Variants in CTDSPL observed in about 807,000 individuals in gnomAD.
CTDSPL encodes the protein CTD small phosphatase like.
In CTDSPL, 8 loss-of-function variants were observed where a neutral mutation model predicts 30.5. The observed-to-expected ratio is 0.26, with a 90% CI of 0.15 to 0.47. The LOEUF (loss-of-function observed/expected upper bound fraction) is 0.47, where lower values mean the gene tolerates loss of function less well. CTDSPL is among the 20% of genes least tolerant of loss of function. CTDSPL has a pLI of 0.99. For missense variants in CTDSPL, 248 were observed against 366.1 expected (o/e 0.68, Z 2.63); for synonymous variants, 110 against 137.9 (o/e 0.80, Z 1.42).
chr3:37,947,338 G>A, intron 2 of CTDSPL, 127 bp downstream of exon 2: 1 of 1,081,376 alleles, frequency 9.2e-7, no homozygotes, highest in Non-Finnish European at 1.3e-6. Context: ...TGTAATATCA[G>A]CACTGAGGTC....
chr3:37,949,085 G>A (rs1699079019), intron 2 of CTDSPL, among the ~76,000 whole-genome samples: 2 of 152,044 alleles, frequency 1.3e-5, no homozygotes, highest in African/African-American at 4.8e-5. Context: ...CTCCCAAAGT[G>A]CTGGGATTAC....
At chr3:37,878,489 A>C (rs1698163696) in intron 1 of CTDSPL, among the ~76,000 whole-genome samples, 1 of 152,234 alleles carries the variant, frequency 6.6e-6, no homozygotes, top group South Asian at 2.1e-4. Flanking sequence ...CAATGACTAT[A>C]TATATGTGTG....
chr3:37,890,052 G>A (rs1698306971), intron 1 of CTDSPL, among the ~76,000 whole-genome samples: 1 of 152,136 alleles, frequency 6.6e-6, no homozygotes, highest in Non-Finnish European at 1.5e-5. Flanking sequence ...CAGAACCCAG[G>A]AGCCAGAAAA....
At position 37,984,441 on chromosome 3, in the gene CTDSPL, C is replaced by A; in HGVS notation, c.*3574C>A. On this transcript the variant is annotated 3_prime_UTR_variant, in exon 8 of 8. Coordinates refer to ENST00000273179, the MANE Select transcript of CTDSPL (RefSeq NM_001008392.2). ...TCAAAAGGTTTGCAATGATTTCCTT[C>A]CTGCCAAAAATAAACATGTGAAACT... 2 of 389,634 alleles carry A rather than the reference C, an allele frequency of 5.1e-6. No homozygotes were observed. Among genetic ancestry groups the A allele is most frequent in the Non-Finnish European group, 1.1e-5 (2 of 188,806 alleles). The allele number at this position is 389,634 out of a possible 1,614,324, so 24.1% of individuals were successfully genotyped here. A position where few individuals can be genotyped will look rare whatever the true frequency, so the allele number is the denominator to read the frequency against.
At chr3:37,922,332 G>C (rs1698726871) in intron 1 of CTDSPL, among the ~76,000 whole-genome samples, 1 of 152,136 alleles carries the variant, frequency 6.6e-6, no homozygotes, top group Admixed American at 6.5e-5. Flanking sequence ...CCTGAATGCT[G>C]TCCTCAAACA....
intron 4 of CTDSPL, among the ~76,000 whole-genome samples, chr3:37,966,547 C>T (rs1416295112): frequency 1.3e-5 from 2 of 152,060 alleles, no homozygotes; most frequent in African/African-American, 4.8e-5. Flanking sequence ...AGAGTCTCTT[C>T]CTTCAGTCTT....
At chr3:37,907,469 C>G (rs1698531766) in intron 1 of CTDSPL, among the ~76,000 whole-genome samples, 1 of 152,144 alleles carries the variant, frequency 6.6e-6, no homozygotes, top group Non-Finnish European at 1.5e-5. Flanking sequence ...GAACTTGAGT[C>G]TTGTTCATTT....
At chr3:37,930,991 T>A (rs1307683059) in intron 1 of CTDSPL, among the ~76,000 whole-genome samples, 1 of 152,194 alleles carries the variant, frequency 6.6e-6, no homozygotes, top group Non-Finnish European at 1.5e-5. Flanking sequence ...TAAGTATGGC[T>A]ACTTTTGCTC....
intron 1 of CTDSPL, among the ~76,000 whole-genome samples, chr3:37,875,583 T>C (rs1559621998): frequency 6.6e-6 from 1 of 152,228 alleles, no homozygotes; most frequent in Non-Finnish European, 1.5e-5. Context: ...CATACTGTAC[T>C]TTAAACTGTA....
intron 1 of CTDSPL, among the ~76,000 whole-genome samples, chr3:37,902,413 G>A (rs1201474304): frequency 6.6e-6 from 1 of 152,014 alleles, no homozygotes; most frequent in Admixed American, 6.6e-5. Flanking sequence ...ACTTGGTATG[G>A]GTCACAGCAA....
At position 37,980,895 on chromosome 3, in the gene CTDSPL, T is replaced by C; in HGVS notation, c.*28T>C. On this transcript the variant is annotated 3_prime_UTR_variant, in exon 8 of 8. Coordinates refer to ENST00000273179, the MANE Select transcript of CTDSPL (RefSeq NM_001008392.2). ...CTGGCCTCTGCCTGCCTCCCGCCTG[T>C]GCACTCTGGAACCTCTGGCCTCAGG... 1 of 1,608,340 alleles carries C rather than the reference T, an allele frequency of 6.2e-7. No homozygotes were observed. Among genetic ancestry groups the C allele is most frequent in the Non-Finnish European group, 8.5e-7 (1 of 1,176,112 alleles).
chr3:37,898,461 G>T (rs971280053), intron 1 of CTDSPL, among the ~76,000 whole-genome samples: 2 of 152,168 alleles, frequency 1.3e-5, no homozygotes, highest in Non-Finnish European at 2.9e-5. Context: ...CAGGTAAAGA[G>T]AGTTCAAATA....
chr3:37,862,158 G>C lies in CTDSPL; in HGVS notation c.-42G>C. 9.9e-7 allele frequency: 1 copy of C among 1,007,578 alleles called. No homozygotes were observed. Among genetic ancestry groups the C allele is most frequent in the South Asian group, 4.6e-5 (1 of 21,562 alleles). 62.4% of individuals were successfully genotyped at this position (1,007,578 alleles called of 1,614,324 possible). ...CGCCGCGCCCCCGCGCGCTTGGCTT[G>C]CGGGGGGCCGGGCCTGCGGGCGGCC... On this transcript the variant is annotated 5_prime_UTR_variant, in exon 1 of 8. Coordinates refer to ENST00000273179, the MANE Select transcript of CTDSPL (RefSeq NM_001008392.2). This position sits in a 1 kb window ranked among gnomAD's most constrained non-coding sequence, Gnocchi z 4.3.
At chr3:37,962,637 G>A (rs1575319828) in intron 3 of CTDSPL, among the ~76,000 whole-genome samples, 1 of 152,312 alleles carries the variant, frequency 6.6e-6, no homozygotes, top group East Asian at 1.9e-4. Context: ...GATGTTTTCA[G>A]AGATGCTAGG....
At chr3:37,888,451 G>A (rs1341255248) in intron 1 of CTDSPL, among the ~76,000 whole-genome samples, 1 of 152,088 alleles carries the variant, frequency 6.6e-6, no homozygotes, top group African/African-American at 2.4e-5. Context: ...ACTTAGTGGT[G>A]CCATTCTCCA....
At position 37,982,821 on chromosome 3, in the gene CTDSPL, C is replaced by T. The variant is rs1699507422; in HGVS notation, c.*1954C>T. The T allele has an allele frequency of 2.7e-6, 1 of 367,380 alleles. No homozygotes were observed. Among genetic ancestry groups the T allele is most frequent in the Non-Finnish European group, 5.4e-6 (1 of 185,000 alleles). The allele number at this position is 367,380 out of a possible 1,614,324, so 22.8% of individuals were successfully genotyped here. ...TTGGAAAAGTAGTCATTAAATGAAC[C>T]CACTGCCTTAAATGTCTTGAATGTT... On this transcript the variant is annotated 3_prime_UTR_variant, in exon 8 of 8. Transcript: ENST00000273179.
intron 1 of CTDSPL, among the ~76,000 whole-genome samples, chr3:37,913,255 G>T (rs1437488321): frequency 6.6e-6 from 1 of 152,168 alleles, no homozygotes; most frequent in Non-Finnish European, 1.5e-5. Context: ...AGGAGGTGGA[G>T]GTTGCAGTGA....
chr3:37,915,026 A>G (rs1698629988), intron 1 of CTDSPL, among the ~76,000 whole-genome samples: 2 of 151,872 alleles, frequency 1.3e-5, no homozygotes, highest in African/African-American at 4.8e-5. Context: ...CTGTGATTAC[A>G]GGCATGAGCT....
chr3:37,960,531 T>TACACACAC (rs1264623772), intron 3 of CTDSPL, among the ~76,000 whole-genome samples: 4 of 47,288 alleles, frequency 8.5e-5, no homozygotes, highest in Non-Finnish European at 1.5e-4. Context: ...TATATATATA[T>TACACACAC]ATATACACAC....
Sources: allele counts gnomAD v4.1 joint callset (sites outside exome capture counted in the v4.1 genomes callset), GRCh38; gene constraint gnomAD v4.1.1; non-coding constraint Gnocchi (gnomAD v3.1); transcripts MANE v1.5; gene names NCBI Gene and HGNC (gene_info 2026-07-23, HGNC 2026-07-21).